DLGAP2: variants seen among roughly 807,000 people sequenced by gnomAD.
DLGAP2 encodes DLG associated protein 2.
In DLGAP2, 26 loss-of-function variants were observed where a neutral mutation model predicts 100.3. That is an observed-to-expected ratio of 0.26 (90% CI 0.19 to 0.36). The LOEUF is 0.36. Ranked by LOEUF, DLGAP2 falls within the 10% of genes least tolerant of loss-of-function variation. The probability of loss-of-function intolerance (pLI) is 1.00; values close to 1 mark genes in which losing one functional copy is unlikely to be tolerated. For synonymous variants in DLGAP2, 886 were observed against 630.1 expected, an observed-to-expected ratio of 1.41 and a Z score of -6.08; for missense variants, 1,858 against 1,453.2, an observed-to-expected ratio of 1.28 and a Z score of -4.53.
intron 4 of DLGAP2, among the ~76,000 whole-genome samples, chr8:1,528,561 A>G (rs542220940): frequency 3.6e-4 from 55 of 152,306 alleles, no homozygotes; most frequent in African/African-American, 1.3e-3. Context: ...GGCCTGCGAT[A>G]CCCCAGGTGA....
intron 10 of DLGAP2, among the ~76,000 whole-genome samples, chr8:1,670,001 C>T (rs1024568413): frequency 1.3e-5 from 2 of 152,124 alleles, no homozygotes; most frequent in Non-Finnish European, 2.9e-5. Flanking sequence ...GCTCCGGCGC[C>T]GGTAAGCAGG....
At chr8:979,290 C>A (rs1006621019) in intron 2 of DLGAP2, among the ~76,000 whole-genome samples, 1 of 152,140 alleles carries the variant, frequency 6.6e-6, no homozygotes, top group Non-Finnish European at 1.5e-5. Context: ...ATACTGACAT[C>A]CGAAGGAGTG....
At chr8:1,174,702 C>T (rs1018564263) in intron 2 of DLGAP2, among the ~76,000 whole-genome samples, 4 of 132,576 alleles carry the variant, frequency 3.0e-5, no homozygotes, top group Non-Finnish European at 4.5e-5. Context: ...CCATCACCAC[C>T]ACTATCACCA....
chr8:1,294,885 A>C (rs1351585199), intron 3 of DLGAP2, among the ~76,000 whole-genome samples: 1 of 117,788 alleles, frequency 8.5e-6, no homozygotes. Context: ...AAAAAAAACA[A>C]AACTTTTTTT....
At chr8:1,022,885 T>C (rs1011985832) in intron 2 of DLGAP2, among the ~76,000 whole-genome samples, 3 of 152,230 alleles carry the variant, frequency 2.0e-5, no homozygotes, top group Non-Finnish European at 4.4e-5. Context: ...CAGAGTGTTG[T>C]CTTTGCACTG....
chr8:1,672,586 G>C (rs971090566), intron 10 of DLGAP2, among the ~76,000 whole-genome samples: 2 of 152,206 alleles, frequency 1.3e-5, no homozygotes, highest in Non-Finnish European at 2.9e-5. Flanking sequence ...GGGGCAGCCT[G>C]GAAAAGACTC....
At chr8:1,187,975 C>G (rs180758344) in intron 2 of DLGAP2, among the ~76,000 whole-genome samples, 3 of 121,916 alleles carry the variant, frequency 2.5e-5, no homozygotes, top group Non-Finnish European at 4.7e-5. Context: ...GAATCTCAAA[C>G]GCCTGGGACC....
At chr8:955,726 C>T (rs373628490) in intron 2 of DLGAP2, among the ~76,000 whole-genome samples, 1 of 152,180 alleles carries the variant, frequency 6.6e-6, no homozygotes, top group Non-Finnish European at 1.5e-5. Context: ...AAAAGTCTTA[C>T]ATGAATTTTA....
intron 3 of DLGAP2, among the ~76,000 whole-genome samples, chr8:1,352,311 G>A (rs975146486): frequency 4.6e-5 from 7 of 150,832 alleles, no homozygotes; most frequent in African/African-American, 1.5e-4. Context: ...TGGAAAGGCC[G>A]TGCGGGTCCT....
At chr8:1,677,761 A>C (rs753869276) in intron 11 of DLGAP2, among the ~76,000 whole-genome samples, 1 of 152,270 alleles carries the variant, frequency 6.6e-6, no homozygotes, top group African/African-American at 2.4e-5. Context: ...ATGGGGACAT[A>C]TTAAATTATC....
chr8:1,482,661 C>T (rs1274830447), intron 3 of DLGAP2, among the ~76,000 whole-genome samples: 1 of 152,218 alleles, frequency 6.6e-6, no homozygotes, highest in Non-Finnish European at 1.5e-5. Context: ...TTCCGGGAGT[C>T]CCTGCGCGGT....
At chr8:1,043,407 A>AGGTGGTGGATGTG (rs1257802435) in intron 2 of DLGAP2, among the ~76,000 whole-genome samples, 4 of 119,692 alleles carry the variant, frequency 3.3e-5, no homozygotes, top group Non-Finnish European at 5.4e-5. Context: ...TGGTGGATAT[A>AGGTGGTGGATGTG]GGTGGTGGAT....
chr8:841,006 G>T (rs1796974137), intron 1 of DLGAP2, among the ~76,000 whole-genome samples: 1 of 152,206 alleles, frequency 6.6e-6, no homozygotes, highest in Admixed American at 6.5e-5. Context: ...TGACTGATGA[G>T]AGCCTAGGCC....
intron 2 of DLGAP2, among the ~76,000 whole-genome samples, chr8:998,201 CACAT>C (rs1800842283): frequency 1.3e-5 from 2 of 152,224 alleles, no homozygotes; most frequent in African/African-American, 2.4e-5. Flanking sequence ...CATAAATACA[CACAT>C]ACACATGCAT....
chr8:1,420,880 G>A (rs751691734), intron 3 of DLGAP2, among the ~76,000 whole-genome samples: 16 of 152,254 alleles, frequency 1.1e-4, no homozygotes, highest in Non-Finnish European at 1.5e-4. Flanking sequence ...TGGTGTCTTC[G>A]TTGCCTGGGC....
At chr8:861,163 C>T (rs753089739) in intron 1 of DLGAP2, among the ~76,000 whole-genome samples, 2 of 148,214 alleles carry the variant, frequency 1.3e-5, no homozygotes, top group Non-Finnish European at 3.0e-5. Flanking sequence ...GTGTTCTGAA[C>T]ATGCACAGAC....
At chr8:980,071 G>A (rs560834853) in intron 2 of DLGAP2, among the ~76,000 whole-genome samples, 1 of 152,324 alleles carries the variant, frequency 6.6e-6, no homozygotes, top group African/African-American at 2.4e-5. Context: ...GAAAACGATA[G>A]TGCCATTCGT....
intron 2 of DLGAP2, among the ~76,000 whole-genome samples, chr8:1,251,949 C>A (rs1799050221): frequency 6.6e-6 from 1 of 152,268 alleles, no homozygotes; most frequent in African/African-American, 2.4e-5. Context: ...TGTCCTGGGT[C>A]ATGGTGTCAC....
At chr8:1,407,891 A>C (rs1468074946) in intron 3 of DLGAP2, among the ~76,000 whole-genome samples, 1 of 151,286 alleles carries the variant, frequency 6.6e-6, no homozygotes, top group African/African-American at 2.5e-5. Flanking sequence ...TGTCCTCTGG[A>C]GTCATGTATT....
Sources: gnomAD v4.1 joint callset for allele counts (sites outside exome capture counted in the v4.1 genomes callset) on GRCh38, gnomAD v4.1.1 for gene constraint, MANE v1.5 for transcripts, NCBI Gene and HGNC (gene_info 2026-07-23, HGNC 2026-07-21) for gene names.